Variants in KCNQ3 observed in about 807,000 individuals in gnomAD.
The protein encoded by KCNQ3 is potassium voltage-gated channel subfamily KQT member 3.
A neutral mutation model predicts 92.5 loss-of-function variants in KCNQ3; 30 were observed. The observed-to-expected ratio is 0.32, with a 90% CI of 0.24 to 0.44. The LOEUF is 0.44. Among genes scored for constraint, KCNQ3 ranks in the 20% least tolerant of loss-of-function variants. The pLI is 1.00. For missense variants in KCNQ3, 913 were observed against 1,140.3 expected (o/e 0.80, Z 2.87); for synonymous variants, 450 against 468.8 (o/e 0.96, Z 0.52).
At chr8:132,322,964 A>G (rs1817934765) in intron 1 of KCNQ3, among the ~76,000 whole-genome samples, 1 of 152,158 alleles carries the variant, frequency 6.6e-6, no homozygotes, top group African/African-American at 2.4e-5. Context: ...TGCTGAGTCG[A>G]GCAGTTTGGG....
chr8:132,129,115 G>A lies in KCNQ3; in HGVS notation c.*147C>T. Reference sequence around the variant, plus strand: ...TGACATGGGGAGGAAGAGGCTGTGGGAAGCCCCTGCCTGGGTGGGGCCACC... The same window carrying A: ...TGACATGGGGAGGAAGAGGCTGTGGAAAGCCCCTGCCTGGGTGGGGCCACC... On this transcript the variant is annotated 3_prime_UTR_variant, in exon 15 of 15. Transcript: ENST00000388996. This position sits in a 1 kb window ranked among gnomAD's most constrained non-coding sequence, Gnocchi z 5.9. The A allele has an allele frequency of 1.2e-6, 1 of 850,702 alleles. No individual in the cohort carries two copies. The highest frequency in any genetic ancestry group is 1.9e-6 in the Non-Finnish European group (1 of 540,158). 52.7% of individuals were successfully genotyped at this position (850,702 alleles called of 1,614,324 possible).
chr8:132,176,759 C>T (rs1271653624), intron 4 of KCNQ3, among the ~76,000 whole-genome samples: 1 of 152,206 alleles, frequency 6.6e-6, no homozygotes, highest in Non-Finnish European at 1.5e-5. Context: ...TAGATGTTTG[C>T]TCCCCCAATG....
chr8:132,355,396 C>T (rs886782175), intron 1 of KCNQ3, among the ~76,000 whole-genome samples: 2 of 151,930 alleles, frequency 1.3e-5, no homozygotes, highest in Non-Finnish European at 2.9e-5. Flanking sequence ...GCTGTCCCTC[C>T]GTTATCTGTC....
intron 1 of KCNQ3, among the ~76,000 whole-genome samples, chr8:132,445,387 TCTC>T (rs1563914955): frequency 6.6e-6 from 1 of 152,120 alleles, no homozygotes; most frequent in African/African-American, 2.4e-5. Context: ...TTCCCGCCTC[TCTC>T]CTCCAGACTC....
intron 9 of KCNQ3, among the ~76,000 whole-genome samples, chr8:132,143,816 G>GT (rs1369869262): frequency 0.04 from 1,948 of 49,254 alleles, 45 homozygotes; most frequent in African/African-American, 0.11. Context: ...ACAAATAAAG[G>GT]TTTTTTTGGT....
Position 132,128,106 on chromosome 8 carries a change from G to A in KCNQ3, c.*1156C>T, listed in dbSNP as rs377677713. On this transcript the variant is annotated 3_prime_UTR_variant, in exon 15 of 15. Coordinates refer to ENST00000388996, the MANE Select transcript of KCNQ3 (RefSeq NM_004519.4). Reference sequence around the variant, plus strand: ...TGGATAAACTGGGTGCTTTCCACGCGACACAAAGTCATATATCTTGACACA... The same window carrying A: ...TGGATAAACTGGGTGCTTTCCACGCAACACAAAGTCATATATCTTGACACA... 3.9e-5 allele frequency: 6 copies of A among 152,244 alleles called. No homozygotes were observed. Among genetic ancestry groups the A allele is most frequent in the East Asian group, 1.9e-4 (1 of 5,178 alleles). The allele number at this position is 152,244 out of a possible 1,614,324, so 9.4% of individuals were successfully genotyped here.
intron 1 of KCNQ3, among the ~76,000 whole-genome samples, chr8:132,192,083 T>C (rs1365012733): frequency 6.6e-6 from 1 of 152,162 alleles, no homozygotes; most frequent in East Asian, 1.9e-4. Flanking sequence ...CTTTCAGCTC[T>C]CGTTGTCTGC....
intron 1 of KCNQ3, among the ~76,000 whole-genome samples, chr8:132,348,841 G>A (rs917490792): frequency 3.9e-5 from 6 of 152,162 alleles, no homozygotes; most frequent in Admixed American, 2.6e-4. Flanking sequence ...GTGAATGTCC[G>A]CATTTTGGCA....
intron 1 of KCNQ3, among the ~76,000 whole-genome samples, chr8:132,299,527 G>T (rs1448201839): frequency 1.3e-5 from 2 of 152,116 alleles, no homozygotes; most frequent in African/African-American, 4.8e-5. Context: ...AACATTCATG[G>T]CAAATTCTGA....
intron 1 of KCNQ3, among the ~76,000 whole-genome samples, chr8:132,437,975 T>C (rs1821439725): frequency 6.6e-6 from 1 of 152,242 alleles, no homozygotes; most frequent in Non-Finnish European, 1.5e-5. Context: ...GAGTGACTGC[T>C]ACAAGTGTCT....
At chr8:132,147,304 T>G (rs1322024020) in intron 9 of KCNQ3, among the ~76,000 whole-genome samples, 1 of 151,772 alleles carries the variant, frequency 6.6e-6, no homozygotes, top group Non-Finnish European at 1.5e-5. Context: ...GTTGCACAGA[T>G]AAGTTGTGCA....
intron 9 of KCNQ3, among the ~76,000 whole-genome samples, chr8:132,154,967 C>T (rs1384539936): frequency 6.6e-6 from 1 of 152,110 alleles, no homozygotes; most frequent in African/African-American, 2.4e-5. Context: ...AAAATTAGGA[C>T]CTTAATTCTT....
rs1316094457 is a variant in KCNQ3, at chr8:132,131,831, T to TAATCCCA, written c.1884+342_1884+348dup. Among the ~76,000 whole-genome samples, 3 of 152,208 alleles carry TAATCCCA rather than the reference T, an allele frequency of 2.0e-5. No individual in the cohort carries two copies. In the East Asian group the frequency reaches 5.8e-4, roughly 29 times the overall value. On this transcript the variant is annotated intron_variant, in intron 14 of 14. Coordinates refer to ENST00000388996, the MANE Select transcript of KCNQ3 (RefSeq NM_004519.4). Reference sequence around the variant, plus strand: ...GACTGGGCGCAGTGGCTCATGTCTGTAATCCCAGCACTTTGGTAGGCCGAG... The same window carrying TAATCCCA: ...GACTGGGCGCAGTGGCTCATGTCTGTAATCCCAAATCCCAGCACTTTGGTAGGCCGAG...
intron 1 of KCNQ3, among the ~76,000 whole-genome samples, chr8:132,385,857 A>G (rs952263491): frequency 6.6e-6 from 1 of 152,220 alleles, no homozygotes; most frequent in Non-Finnish European, 1.5e-5. Flanking sequence ...ATAAAACACA[A>G]CAAGATGGTA....
intron 1 of KCNQ3, among the ~76,000 whole-genome samples, chr8:132,276,711 C>A (rs950043576): frequency 6.6e-6 from 1 of 152,180 alleles, no homozygotes; most frequent in Non-Finnish European, 1.5e-5. Flanking sequence ...ACCATCCACC[C>A]CAAGACTGAA....
chr8:132,309,763 C>CA (rs1449453558), intron 1 of KCNQ3, among the ~76,000 whole-genome samples: 2 of 152,190 alleles, frequency 1.3e-5, no homozygotes, highest in Non-Finnish European at 2.9e-5. Context: ...CCTTTAATCA[C>CA]AAAATCTTAC....
chr8:132,314,227 AT>A (rs1817676913), intron 1 of KCNQ3, among the ~76,000 whole-genome samples: 1 of 152,208 alleles, frequency 6.6e-6, no homozygotes, highest in African/African-American at 2.4e-5. Context: ...GAAAGATAAA[AT>A]TTTAAAAATT....
At chr8:132,285,615 C>G (rs1225959366) in intron 1 of KCNQ3, among the ~76,000 whole-genome samples, 2 of 152,190 alleles carry the variant, frequency 1.3e-5, no homozygotes, top group African/African-American at 4.8e-5. Flanking sequence ...AGCCTGAGCA[C>G]ATGGTAGAGA....
chr8:132,275,910 G>A lies in KCNQ3; in HGVS notation c.387-89729C>T, dbSNP rs866667565. On this transcript the variant is annotated intron_variant, in intron 1 of 14. Coordinates refer to ENST00000388996, the MANE Select transcript of KCNQ3 (RefSeq NM_004519.4). ...TTCTACATGTGCACTCATTCCCACC[G>A]GCCTGGAGCCCTCTGTGGAATCACC... 1.6e-4 allele frequency among the ~76,000 whole-genome samples: 24 copies of A among 151,640 alleles called. No individual in the cohort carries two copies. The East Asian group carries it at 4.1e-3, about 26-fold the overall frequency.
Sources: allele counts gnomAD v4.1 joint callset (sites outside exome capture counted in the v4.1 genomes callset), GRCh38; gene constraint gnomAD v4.1.1; non-coding constraint Gnocchi (gnomAD v3.1); transcripts MANE v1.5; gene names NCBI Gene and HGNC (gene_info 2026-07-23, HGNC 2026-07-21).